The following SLA variants were observed in gnomAD, a reference collection of about 807,000 sequenced individuals.
The protein encoded by SLA is Src like adaptor, also known as src-like-adapter.
A neutral mutation model predicts 30.3 loss-of-function variants in SLA; 16 were observed. The ratio of observed to expected loss-of-function variants is 0.53; its 90% CI spans 0.36 to 0.80. The LOEUF is 0.80. Among genes scored for constraint, SLA ranks in the 30% least tolerant of loss-of-function variants. The pLI is 0.01. For missense variants in SLA, 310 were observed against 345.2 expected, an observed-to-expected ratio of 0.90 and a Z score of 0.81; for synonymous variants, 143 against 137.8, an observed-to-expected ratio of 1.04 and a Z score of -0.26.
At chr8:133,091,617 T>C (rs552193683) in intron 1 of SLA, among the ~76,000 whole-genome samples, 1 of 152,212 alleles carries the variant, frequency 6.6e-6, no homozygotes, top group South Asian at 2.1e-4. Flanking sequence ...TCTGTAGGTG[T>C]CTGGGTGTGT....
chr8:133,054,122 A>G (rs1840922701), intron 3 of SLA, among the ~76,000 whole-genome samples: 1 of 152,094 alleles, frequency 6.6e-6, no homozygotes, highest in Non-Finnish European at 1.5e-5. Flanking sequence ...CAATGTAGGA[A>G]ATTTAAGTTT....
intron 1 of SLA, among the ~76,000 whole-genome samples, chr8:133,089,146 A>G (rs1361769291): frequency 6.6e-6 from 1 of 152,130 alleles, no homozygotes; most frequent in African/African-American, 2.4e-5. Flanking sequence ...AGACCTTACA[A>G]GTCACCGATG....
intron 1 of SLA, among the ~76,000 whole-genome samples, chr8:133,099,550 C>CT (rs1391824906): frequency 6.6e-6 from 1 of 152,200 alleles, no homozygotes; most frequent in African/African-American, 2.4e-5. Flanking sequence ...CAATGGCCCA[C>CT]TTGACATCTT....
At chr8:133,099,533 G>C (rs745710887) in intron 1 of SLA, among the ~76,000 whole-genome samples, 1 of 152,116 alleles carries the variant, frequency 6.6e-6, no homozygotes, top group African/African-American at 2.4e-5. Flanking sequence ...CTCTGAACTG[G>C]TTTAGCCAAT....
intron 8 of SLA, among the ~76,000 whole-genome samples, chr8:133,039,168 C>T (rs548417820): frequency 9.2e-5 from 14 of 152,292 alleles, no homozygotes; most frequent in South Asian, 4.1e-4. Context: ...CGTGAGCCAC[C>T]GCGCCTGGCC....
At chr8:133,055,591 T>A (rs1484759257) in intron 3 of SLA, among the ~76,000 whole-genome samples, 1 of 152,154 alleles carries the variant, frequency 6.6e-6, no homozygotes, top group African/African-American at 2.4e-5. Context: ...TTTTTCCGTA[T>A]GTTAGTGGGG....
intron 5 of SLA, chr8:133,049,091 A>G: frequency 6.7e-6 from 3 of 451,058 alleles, no homozygotes; most frequent in Non-Finnish European, 1.3e-5. Context: ...CTTTTACAGG[A>G]CCCTCACATG....
rs7819747 is a variant in SLA, at chr8:133,052,740, A to G, written c.62-1825T>C. Among the ~76,000 whole-genome samples, 758 of 152,290 alleles carry G rather than the reference A, an allele frequency of 5.0e-3. 6 individuals carry two copies. The highest frequency in any genetic ancestry group is 0.016 in the African/African-American group (683 of 41,560). On this transcript the variant is annotated intron_variant, in intron 3 of 8. Transcript: ENST00000338087. ...GTCCTCTTTAAGAAAAAAATACACA[A>G]TTGCAAATACAAAATGAAGGACAGA...
intron 5 of SLA, chr8:133,049,684 C>G (rs1352707818): frequency 1.8e-6 from 1 of 551,896 alleles, no homozygotes; most frequent in Non-Finnish European, 3.3e-6. Context: ...GGTCCAACTT[C>G]CTTCATTTTA....
intron 1 of SLA, chr8:133,076,771 A>C (rs1844940867): frequency 6.6e-6 from 1 of 151,674 alleles, no homozygotes; most frequent in South Asian, 2.1e-4. Flanking sequence ...AAAAAAAAAA[A>C]AAAAAAAACA....
intron 1 of SLA, among the ~76,000 whole-genome samples, chr8:133,086,551 G>GA (rs200231373): frequency 1.3e-5 from 2 of 151,506 alleles, no homozygotes; most frequent in African/African-American, 4.9e-5. Flanking sequence ...TCTTTTTGAT[G>GA]AAAAAAAACT....
intron 7 of SLA, among the ~76,000 whole-genome samples, chr8:133,042,678 C>CCTTTTTTTGTTTT (rs1554706932): frequency 1.8e-5 from 1 of 56,732 alleles, no homozygotes; most frequent in Non-Finnish European, 3.2e-5. Flanking sequence ...CATTCTGTGT[C>CCTTTTTTTGTTTT]TTTTTTTTTT....
At chr8:133,094,242 C>CTT (rs765931953) in intron 1 of SLA, among the ~76,000 whole-genome samples, 24,064 of 126,310 alleles carry the variant, frequency 0.19, 2,337 homozygotes, top group Non-Finnish European at 0.25. Context: ...CTGTCGTTTT[C>CTT]TTTTTTTTTT....
intron 5 of SLA, among the ~76,000 whole-genome samples, chr8:133,048,305 CCA>C (rs1020254841): frequency 1.4e-4 from 21 of 152,148 alleles, no homozygotes; most frequent in African/African-American, 4.6e-4. Context: ...ACTGCATCCT[CCA>C]CCTTCCAGGT....
chr8:133,069,451 C>G (rs556272457), intron 2 of SLA, among the ~76,000 whole-genome samples: 42 of 152,290 alleles, frequency 2.8e-4, no homozygotes, highest in African/African-American at 5.3e-4. Context: ...CTTGGTCTCT[C>G]TAAAGAGATC....
In SLA at chr8:133,038,257, C is replaced by T; in HGVS notation, c.*267G>A. On this transcript the variant is annotated 3_prime_UTR_variant, in exon 9 of 9. Coordinates refer to ENST00000338087, the MANE Select transcript of SLA (RefSeq NM_001045556.3). ...TTCCCACACACACAATGTGTGCATA[C>T]ATACATGCTGGGCTCTTCCAAGCAT... 2 of 498,388 alleles carry T rather than the reference C, an allele frequency of 4.0e-6. No individual in the cohort carries two copies. Among genetic ancestry groups the T allele is most frequent in the Non-Finnish European group, 7.3e-6 (2 of 273,894 alleles). 30.9% of individuals were successfully genotyped at this position (498,388 alleles called of 1,614,324 possible). A position where few individuals can be genotyped will look rare whatever the true frequency, so the allele number is the denominator to read the frequency against.
intron 2 of SLA, chr8:133,064,315 C>T (rs984946415): frequency 6.6e-6 from 1 of 152,202 alleles, no homozygotes; most frequent in Non-Finnish European, 1.5e-5. Flanking sequence ...AAATGAAGTC[C>T]TATTAGACAG....
intron 1 of SLA, among the ~76,000 whole-genome samples, chr8:133,092,876 T>TTTAAACAA (rs1847788002): frequency 6.6e-6 from 1 of 152,200 alleles, no homozygotes; most frequent in Non-Finnish European, 1.5e-5. Context: ...TTAAACAAAA[T>TTTAAACAA]ACTTTAAGAG....
At chr8:133,042,147 T>C (rs149828634) in intron 7 of SLA, among the ~76,000 whole-genome samples, 317 of 152,224 alleles carry the variant, frequency 2.1e-3, no homozygotes, top group Middle Eastern at 6.8e-3. Context: ...ATGAAGTAAC[T>C]TACTCAGGGC....
Sources: gnomAD v4.1 joint callset for allele counts (sites outside exome capture counted in the v4.1 genomes callset) on GRCh38, gnomAD v4.1.1 for gene constraint, MANE v1.5 for transcripts, NCBI Gene and HGNC (gene_info 2026-07-23, HGNC 2026-07-21) for gene names.